TMEM245: variants seen among roughly 807,000 people sequenced by gnomAD.
TMEM245 encodes protein CG-2.
TMEM245 carries 69 observed loss-of-function variants against 101.2 expected under a neutral mutation model. That is an observed-to-expected ratio of 0.68 (90% CI 0.56 to 0.83). The LOEUF is 0.83. Ranked by LOEUF, TMEM245 falls within the 40% of genes least tolerant of loss-of-function variation. TMEM245 has a pLI of 0.00. For synonymous variants in TMEM245, 537 were observed against 449.8 expected (o/e 1.19, Z -2.45); for missense variants, 1,075 against 1,092.8 (o/e 0.98, Z 0.23).
rs559169186 is a variant in TMEM245 at position 109,043,117 on chromosome 9, A to T, written c.2124-5000T>A. 2.6e-5 allele frequency among the ~76,000 whole-genome samples: 4 copies of T among 152,272 alleles called. No homozygotes were observed. The South Asian group carries it at 8.3e-4, about 32-fold the overall frequency. On this transcript the variant is annotated intron_variant, in intron 14 of 17. Transcript: ENST00000374586. ...TCACTCGTCTCTAGGGTTCTTTGGA[A>T]CCTAAAATTCAGAGATTGCTAGGAA...
rs1829872246 is a variant in TMEM245, at chr9:109,087,316, G to C, written c.1177C>G (p.His393Asp). ...AVWILKKLVI[H>D]FGVVDFLEKR... ...TCTAGGAAATCCACAACTCCAAAGT[G>C]AATGACAAGCTTTTTGAGTATCCAG... The change falls in exon 6 of 18, where the codon CAC (histidine) becomes GAC (aspartate). Residue 393 changes from histidine (H) to aspartate (D), a missense_variant. By Grantham distance (81) the His-to-Asp change is moderately conservative (BLOSUM62 -1). Transcript: ENST00000374586. 1 of 1,604,246 alleles carries C rather than the reference G, an allele frequency of 6.2e-7. No individual in the cohort carries two copies. The highest frequency in any genetic ancestry group is 1.7e-5 in the Admixed American group (1 of 57,912).
chr9:109,022,047 T>C (rs1226493379), intron 17 of TMEM245, among the ~76,000 whole-genome samples: 1 of 152,162 alleles, frequency 6.6e-6, no homozygotes, highest in African/African-American at 2.4e-5. Flanking sequence ...TCCTCTCAAT[T>C]CATATAAATA....
chr9:109,106,375 C>T (rs1830424367), intron 3 of TMEM245, 133 bp downstream of exon 3: 1 of 494,014 alleles, frequency 2.0e-6, no homozygotes, highest in East Asian at 3.2e-5. Flanking sequence ...ATATTTTAAA[C>T]AATTTATTTT....
intron 4 of TMEM245, among the ~76,000 whole-genome samples, chr9:109,091,759 C>T (rs1284973091): frequency 6.6e-6 from 1 of 152,118 alleles, no homozygotes; most frequent in African/African-American, 2.4e-5. Flanking sequence ...TGTTTTCTAA[C>T]AATGCAACCA....
intron 3 of TMEM245, among the ~76,000 whole-genome samples, chr9:109,095,906 G>A (rs1267604888): frequency 2.0e-5 from 3 of 152,148 alleles, no homozygotes; most frequent in Non-Finnish European, 2.9e-5. Context: ...AGAGACTAGA[G>A]GGGACCTATA....
intron 3 of TMEM245, among the ~76,000 whole-genome samples, chr9:109,097,401 A>C (rs1830169873): frequency 6.6e-6 from 1 of 152,226 alleles, no homozygotes. Flanking sequence ...GGTTGGGACC[A>C]GGGCATAGAA....
At chr9:109,049,134 G>T (rs552575702) in intron 14 of TMEM245, among the ~76,000 whole-genome samples, 11 of 152,342 alleles carry the variant, frequency 7.2e-5, no homozygotes, top group African/African-American at 2.6e-4. Flanking sequence ...CCTGCTGATG[G>T]AAAGCTGATG....
chr9:109,055,969 C>T (rs1373257842), intron 12 of TMEM245, among the ~76,000 whole-genome samples: 1 of 152,096 alleles, frequency 6.6e-6, no homozygotes, highest in Admixed American at 6.6e-5. Flanking sequence ...GAAGCTATTT[C>T]TCAGGAGAAA....
At chr9:109,073,030 A>C (rs1464960366) in intron 9 of TMEM245, among the ~76,000 whole-genome samples, 1 of 152,160 alleles carries the variant, frequency 6.6e-6, no homozygotes, top group Non-Finnish European at 1.5e-5. Context: ...AATGGGGATA[A>C]TTTCTTCAAT....
At chr9:109,046,999 T>G (rs532149544) in intron 14 of TMEM245, among the ~76,000 whole-genome samples, 2 of 152,234 alleles carry the variant, frequency 1.3e-5, no homozygotes, top group South Asian at 4.1e-4. Context: ...CCCTAGGAAC[T>G]TAAACTGCAA....
rs368712040 is a variant in TMEM245, at chr9:109,020,500, A to C, written c.2600T>G (p.Phe867Cys). ...TTTCAGATCTTCAGAAATGTCACGG[A>C]AAGTCCTAAAAGAAAAAAAGACGGA... is the stretch of plus-strand genomic sequence containing the variant. ...TPWPAQPQRT[F>C]RDISEDLKSS... is the part of the protein sequence containing the mutation. The change falls in exon 18 of 18, where the codon TTC becomes TGC. Residue 867 changes from phenylalanine (F) to cysteine (C), a missense_variant. Physicochemically the swap from Phe to Cys is radical, Grantham distance 205. This residue lies in a region of TMEM245 where 267 missense variants were observed against 351.3 expected (regional missense o/e 0.76). Transcript: ENST00000374586. 20 of 1,613,886 alleles carry C rather than the reference A, an allele frequency of 1.2e-5. No individual in the cohort carries two copies. The African/African-American group carries it at 1.9e-4, about 15-fold the overall frequency.
Position 109,074,017 on chromosome 9 carries a change from C to T in TMEM245, c.1450-579G>A, listed in dbSNP as rs552223343. On this transcript the variant is annotated intron_variant, in intron 8 of 17. Transcript: ENST00000374586. Reference sequence around the variant, plus strand: ...CTGGGATTACAGGCACTCACAACCACGCCTGTCTAATTTTGTATTTTTAGT... The same window carrying T: ...CTGGGATTACAGGCACTCACAACCATGCCTGTCTAATTTTGTATTTTTAGT... 5.3e-5 allele frequency among the ~76,000 whole-genome samples: 8 copies of T among 152,036 alleles called. No homozygotes were observed. The South Asian group carries it at 1.5e-3, about 28-fold the overall frequency.
intron 3 of TMEM245, among the ~76,000 whole-genome samples, chr9:109,094,412 G>A (rs1462959994): frequency 1.3e-5 from 2 of 152,238 alleles, no homozygotes; most frequent in East Asian, 3.8e-4. Flanking sequence ...AGGTACACCT[G>A]TGCAGGACTT....
intron 7 of TMEM245, among the ~76,000 whole-genome samples, chr9:109,084,750 A>G (rs1341939006): frequency 6.6e-6 from 1 of 152,190 alleles, no homozygotes; most frequent in Non-Finnish European, 1.5e-5. Context: ...AACGTGACTT[A>G]TATTTGCACA....
intron 9 of TMEM245, among the ~76,000 whole-genome samples, chr9:109,072,603 T>TGA (rs1223966339): frequency 1.3e-5 from 2 of 152,212 alleles, no homozygotes; most frequent in Non-Finnish European, 2.9e-5. Flanking sequence ...TCAGGTACCC[T>TGA]ACGGGTGGTG....
At chr9:109,044,275 C>T (rs1828406530) in intron 14 of TMEM245, among the ~76,000 whole-genome samples, 2 of 152,082 alleles carry the variant, frequency 1.3e-5, no homozygotes, top group Admixed American at 6.6e-5. Flanking sequence ...AATCAGATGA[C>T]CTGCTTTTAA....
intron 12 of TMEM245, among the ~76,000 whole-genome samples, chr9:109,054,261 T>C (rs930718964): frequency 1.3e-5 from 2 of 152,180 alleles, no homozygotes; most frequent in Non-Finnish European, 2.9e-5. Flanking sequence ...GAAGGATGGC[T>C]TGAGCCCAGG....
chr9:109,087,949 A>G (rs1385679398), intron 5 of TMEM245, among the ~76,000 whole-genome samples: 1 of 152,184 alleles, frequency 6.6e-6, no homozygotes, highest in African/African-American at 2.4e-5. Flanking sequence ...CAAATGGCCC[A>G]AGGCTGTGCA....
Position 109,025,005 on chromosome 9 carries a change from T to C in TMEM245, c.2595-4500A>G. Among the ~76,000 whole-genome samples the C allele has an allele frequency of 1.3e-5, 2 of 152,162 alleles. 1 individual carries two copies. The highest frequency in any genetic ancestry group is 1.3e-4 in the Admixed American group (2 of 15,276). The stretch of plus-strand genomic sequence containing the variant: ...AGGCAGGAACCAGTAAAGAGGCTGC[T>C]GAAGAAATCCTGGCAGTGGGTCACA... On this transcript the variant is annotated intron_variant, in intron 17 of 17. Transcript: ENST00000374586.
Sources: allele counts gnomAD v4.1 joint callset (sites outside exome capture counted in the v4.1 genomes callset), GRCh38; gene constraint gnomAD v4.1.1; regional missense constraint gnomAD v4.1.1; transcripts MANE v1.5; gene names NCBI Gene and HGNC (gene_info 2026-07-23, HGNC 2026-07-21).